The following RPN2 variants were observed in gnomAD, a reference collection of about 807,000 sequenced individuals.
RPN2 encodes the protein ribophorin II, also known as dolichyl-diphosphooligosaccharide--protein glycosyltransferase subunit 2.
In RPN2, 29 loss-of-function variants were observed where a neutral mutation model predicts 71.4. The ratio of observed to expected loss-of-function variants is 0.41; its 90% CI spans 0.30 to 0.55. The LOEUF (loss-of-function observed/expected upper bound fraction) is 0.55, where lower values mean the gene tolerates loss of function less well. Among genes scored for constraint, RPN2 ranks in the 20% least tolerant of loss-of-function variants. The pLI, the probability that RPN2 is intolerant of heterozygous loss-of-function variation, is 0.35. For missense variants in RPN2, 726 were observed against 774.1 expected (o/e 0.94, Z 0.74); for synonymous variants, 308 against 305.0 (o/e 1.01, Z -0.10).
intron 7 of RPN2, 28 bp downstream of exon 7, chr20:37,207,477 C>T (rs1199454776): frequency 9.9e-6 from 16 of 1,608,348 alleles, no homozygotes; most frequent in East Asian, 6.7e-5. Flanking sequence ...AAAGTGTGCC[C>T]CTCTGATTAT....
intron 13 of RPN2, among the ~76,000 whole-genome samples, chr20:37,230,789 C>CT (rs1293885915): frequency 6.6e-6 from 1 of 152,010 alleles, no homozygotes; most frequent in Non-Finnish European, 1.5e-5. Flanking sequence ...TTCAAAACTC[C>CT]TTTTCATATT....
intron 8 of RPN2, 41 bp downstream of exon 8, chr20:37,210,206 GT>G: frequency 1.2e-6 from 2 of 1,610,100 alleles, no homozygotes; most frequent in Non-Finnish European, 1.7e-6. Context: ...TGACCTCTTT[GT>G]TTTGGAAAGT....
intron 2 of RPN2, among the ~76,000 whole-genome samples, chr20:37,194,348 G>A (rs1383242288): frequency 2.6e-5 from 4 of 151,994 alleles, no homozygotes; most frequent in East Asian, 1.9e-4. Context: ...TGCAACCTCC[G>A]CCTCCCAGGT....
chr20:37,226,805 T>C (rs932733309), intron 11 of RPN2, among the ~76,000 whole-genome samples: 13 of 152,290 alleles, frequency 8.5e-5, no homozygotes, highest in Admixed American at 5.9e-4. Context: ...CCACACTGCC[T>C]GTCATCCCCC....
intron 3 of RPN2, 109 bp downstream of exon 3, chr20:37,198,601 G>A: frequency 6.5e-7 from 1 of 1,528,490 alleles, no homozygotes; most frequent in African/African-American, 1.4e-5. Flanking sequence ...GTCCATTATT[G>A]TGAGTGGGAA....
chr20:37,201,703 G>C (rs972549934), intron 4 of RPN2, among the ~76,000 whole-genome samples: 1 of 152,012 alleles, frequency 6.6e-6, no homozygotes, highest in Non-Finnish European at 1.5e-5. Context: ...TGTCTCGTAG[G>C]GTCATTGTGA....
intron 4 of RPN2, among the ~76,000 whole-genome samples, chr20:37,201,596 CTG>C (rs2067392824): frequency 6.6e-6 from 1 of 152,164 alleles, no homozygotes; most frequent in African/African-American, 2.4e-5. Flanking sequence ...GCAGAAAGAA[CTG>C]TGTTCAAATC....
intron 9 of RPN2, among the ~76,000 whole-genome samples, chr20:37,217,884 C>T (rs531510016): frequency 7.9e-5 from 12 of 152,202 alleles, no homozygotes; most frequent in African/African-American, 2.9e-4. Flanking sequence ...CAGGTACACG[C>T]CACCATGCCT....
chr20:37,236,817 C>A, intron 16 of RPN2, 108 bp downstream of exon 16: 1 of 1,105,384 alleles, frequency 9.0e-7, no homozygotes, highest in Non-Finnish European at 1.4e-6. Flanking sequence ...TTCTTAGGGG[C>A]AAGTCTGACA....
At position 37,236,615 on chromosome 20, in the gene RPN2, C is replaced by T. The variant is rs34951322; in HGVS notation, c.1789C>T (p.Leu597Phe). 4 of 1,614,106 alleles carry T rather than the reference C, an allele frequency of 2.5e-6. No individual in the cohort carries two copies. Among genetic ancestry groups the T allele is most frequent in the Middle Eastern group, 1.6e-4 (1 of 6,062 alleles). The change falls in exon 16 of 17, where the codon CTC becomes TTC. Residue 597 changes from leucine (L) to phenylalanine (F), a missense_variant. By Grantham distance (22) the Leu-to-Phe change is conservative. Transcript: ENST00000237530. ...LGLMYVYWTQ[L>F]NMFQTLKYLA... Reference sequence around the variant, plus strand: ...ACTCATGTATGTCTACTGGACTCAGCTCAACATGTTCCAGACCTTGAAGTA... The same window carrying T: ...ACTCATGTATGTCTACTGGACTCAGTTCAACATGTTCCAGACCTTGAAGTA...
At chr20:37,192,707 A>G (rs1348860799) in intron 2 of RPN2, among the ~76,000 whole-genome samples, 2 of 152,184 alleles carry the variant, frequency 1.3e-5, no homozygotes, top group Non-Finnish European at 2.9e-5. Context: ...ATGCACGAAT[A>G]TTTGCAACAA....
chr20:37,229,525 A>G (rs2068177700), intron 12 of RPN2, among the ~76,000 whole-genome samples: 1 of 152,154 alleles, frequency 6.6e-6, no homozygotes, highest in Admixed American at 6.5e-5. Context: ...TTTGCAAGAC[A>G]AAGGGGCAGC....
At chr20:37,197,107 G>T (rs115149410) in intron 2 of RPN2, among the ~76,000 whole-genome samples, 1,872 of 152,290 alleles carry the variant, frequency 0.012, 36 homozygotes, top group African/African-American at 0.043. Flanking sequence ...TGGCGAGAGC[G>T]TGGTATAGCT....
chr20:37,201,993 A>G (rs368578769), intron 4 of RPN2, among the ~76,000 whole-genome samples: 5 of 152,364 alleles, frequency 3.3e-5, no homozygotes, highest in African/African-American at 1.2e-4. Flanking sequence ...GTTCGAATAC[A>G]GTACTATGCT....
chr20:37,193,244 G>C (rs535025937), intron 2 of RPN2, among the ~76,000 whole-genome samples: 1 of 152,192 alleles, frequency 6.6e-6, no homozygotes, highest in East Asian at 1.9e-4. Context: ...TGTATCCCCA[G>C]TTCCTAGAAC....
chr20:37,209,580 C>T (rs1466596681), intron 7 of RPN2, among the ~76,000 whole-genome samples: 7 of 152,082 alleles, frequency 4.6e-5, no homozygotes, highest in Admixed American at 3.3e-4. Flanking sequence ...CCTCCTGCCT[C>T]AACTTCCTGA....
At chr20:37,187,501 C>CAAAAAAAAAAAAAAAA (rs532495023) in intron 2 of RPN2, among the ~76,000 whole-genome samples, 6 of 8,742 alleles carry the variant, frequency 6.9e-4, no homozygotes, top group African/African-American at 4.5e-3. Flanking sequence ...GACTCCGTCT[C>CAAAAAAAAAAAAAAAA]AAAAAAAAAA....
intron 10 of RPN2, among the ~76,000 whole-genome samples, chr20:37,225,320 C>A (rs112707867): frequency 0.021 from 3,245 of 152,322 alleles, 51 homozygotes; most frequent in Middle Eastern, 0.034. Flanking sequence ...GTAATTATTT[C>A]TCCTTGCGGT....
At chr20:37,207,472 G>C in intron 7 of RPN2, 23 bp downstream of exon 7, 1 of 1,611,432 alleles carries the variant, frequency 6.2e-7, no homozygotes, top group Non-Finnish European at 8.5e-7. Flanking sequence ...TGCCCAAAGT[G>C]TGCCCCTCTG....
Sources: allele counts gnomAD v4.1 joint callset (sites outside exome capture counted in the v4.1 genomes callset), GRCh38; gene constraint gnomAD v4.1.1; transcripts MANE v1.5; gene names NCBI Gene and HGNC (gene_info 2026-07-23, HGNC 2026-07-21).